The following SH3RF3 variants were observed in gnomAD, a reference collection of about 807,000 sequenced individuals.
The protein encoded by SH3RF3 is E3 ubiquitin-protein ligase SH3RF3.
SH3RF3 carries 29 observed loss-of-function variants against 66.3 expected under a neutral mutation model. The ratio of observed to expected loss-of-function variants is 0.44; its 90% CI spans 0.33 to 0.60. SH3RF3 has a LOEUF of 0.60. SH3RF3 is among the 20% of genes least tolerant of loss of function. SH3RF3 has a pLI of 0.04. For synonymous variants in SH3RF3, 583 were observed against 532.0 expected, an observed-to-expected ratio of 1.10 and a Z score of -1.32; for missense variants, 1,194 against 1,190.9, an observed-to-expected ratio of 1.00 and a Z score of -0.04.
intron 1 of SH3RF3, among the ~76,000 whole-genome samples, chr2:109,287,930 C>G (rs993644129): frequency 2.0e-5 from 3 of 152,242 alleles, no homozygotes; most frequent in Non-Finnish European, 4.4e-5. Flanking sequence ...ACATCCAGGA[C>G]CTGCCTGTTC....
chr2:109,349,668 G>C (rs959916897), intron 2 of SH3RF3, among the ~76,000 whole-genome samples: 4 of 152,212 alleles, frequency 2.6e-5, no homozygotes, highest in Non-Finnish European at 5.9e-5. Flanking sequence ...CTGCAGAGCC[G>C]AGGCCCTCCT....
At chr2:109,194,572 C>T (rs986315202) in intron 1 of SH3RF3, among the ~76,000 whole-genome samples, 7 of 152,208 alleles carry the variant, frequency 4.6e-5, no homozygotes, top group African/African-American at 1.4e-4. Flanking sequence ...TTTCAGGGCC[C>T]GGCGGGCGGG....
intron 1 of SH3RF3, among the ~76,000 whole-genome samples, chr2:109,219,855 G>A (rs1182403643): frequency 6.6e-6 from 1 of 152,174 alleles, no homozygotes; most frequent in Non-Finnish European, 1.5e-5. Context: ...ACTACTCAAA[G>A]TGATCTACAG....
chr2:109,205,295 A>T (rs903168434), intron 1 of SH3RF3, among the ~76,000 whole-genome samples: 1 of 148,656 alleles, frequency 6.7e-6, no homozygotes, highest in Non-Finnish European at 1.5e-5. Flanking sequence ...GAGTCTTGCC[A>T]TGTCGTCCAG....
At chr2:109,288,354 G>A (rs1574552119) in intron 1 of SH3RF3, among the ~76,000 whole-genome samples, 1 of 152,188 alleles carries the variant, frequency 6.6e-6, no homozygotes, top group East Asian at 1.9e-4. Context: ...ATGTATTAGG[G>A]AACAGGAACA....
chr2:109,472,894 C>G (rs776159956), intron 8 of SH3RF3, among the ~76,000 whole-genome samples: 1 of 152,186 alleles, frequency 6.6e-6, no homozygotes, highest in South Asian at 2.1e-4. Flanking sequence ...CCTGCTCCAG[C>G]CTCTTATTTC....
At chr2:109,430,271 G>C (rs1222915369) in intron 5 of SH3RF3, among the ~76,000 whole-genome samples, 1 of 152,266 alleles carries the variant, frequency 6.6e-6, no homozygotes, top group African/African-American at 2.4e-5. Flanking sequence ...TAAAGCAACA[G>C]ATGAGGCTAA....
intron 8 of SH3RF3, among the ~76,000 whole-genome samples, chr2:109,485,863 C>T (rs951834410): frequency 1.7e-4 from 26 of 152,244 alleles, no homozygotes; most frequent in African/African-American, 6.3e-4. Flanking sequence ...TGCAGCACAG[C>T]CTCATCGCAA....
intron 1 of SH3RF3, among the ~76,000 whole-genome samples, chr2:109,249,494 TTTCTTTCTTTCTTTCA>T (rs1486508287): frequency 1.3e-3 from 31 of 24,426 alleles, no homozygotes; most frequent in South Asian, 2.9e-3. Flanking sequence ...TCTTTCTTTC[TTTCTTTCTTTCTTTCA>T]TTCTTTCTTT....
intron 1 of SH3RF3, among the ~76,000 whole-genome samples, chr2:109,287,886 C>A (rs952022858): frequency 6.6e-6 from 1 of 152,200 alleles, no homozygotes; most frequent in African/African-American, 2.4e-5. Context: ...TTGCTAACTC[C>A]CCTTAGTGAC....
chr2:109,234,613 C>G (rs1233442452), intron 1 of SH3RF3, among the ~76,000 whole-genome samples: 2 of 152,224 alleles, frequency 1.3e-5, no homozygotes, highest in Non-Finnish European at 2.9e-5. Flanking sequence ...ATGTTTGTTT[C>G]TCATTCACGC....
chr2:109,458,601 A>AGAGAGAGAGAGAGAGAGAGAGAG (rs1553524376), intron 8 of SH3RF3, among the ~76,000 whole-genome samples: 165 of 148,892 alleles, frequency 1.1e-3, no homozygotes, highest in South Asian at 1.3e-3. Context: ...AGAGAGAGAG[A>AGAGAGAGAGAGAGAGAGAGAGAG]ATTTATTTAT....
intron 3 of SH3RF3, among the ~76,000 whole-genome samples, chr2:109,374,783 G>C (rs1051601940): frequency 6.6e-6 from 1 of 152,222 alleles, no homozygotes; most frequent in Non-Finnish European, 1.5e-5. Context: ...TCTACCCAGC[G>C]CACAGCTGCC....
At chr2:109,487,987 G>T (rs565382270) in intron 8 of SH3RF3, among the ~76,000 whole-genome samples, 3 of 152,328 alleles carry the variant, frequency 2.0e-5, no homozygotes, top group East Asian at 3.9e-4. Flanking sequence ...GCCCCTTCAT[G>T]GTGAAGAGGA....
At chr2:109,265,225 A>G (rs931556211) in intron 1 of SH3RF3, among the ~76,000 whole-genome samples, 4 of 152,176 alleles carry the variant, frequency 2.6e-5, no homozygotes, top group Admixed American at 6.5e-5. Context: ...ACAGCTGCAC[A>G]TTAGGATTAA....
intron 7 of SH3RF3, among the ~76,000 whole-genome samples, chr2:109,446,293 C>A (rs1055095876): frequency 6.6e-6 from 1 of 152,186 alleles, no homozygotes; most frequent in Non-Finnish European, 1.5e-5. Flanking sequence ...CAGAGACTCA[C>A]TCTTTTATTC....
chr2:109,274,656 C>A (rs756955676), intron 1 of SH3RF3, among the ~76,000 whole-genome samples: 7 of 152,186 alleles, frequency 4.6e-5, no homozygotes, highest in Non-Finnish European at 8.8e-5. Context: ...AGAATTACTT[C>A]ACGGGGGTAG....
intron 3 of SH3RF3, among the ~76,000 whole-genome samples, chr2:109,389,430 C>T (rs768911109): frequency 2.1e-4 from 32 of 152,186 alleles, no homozygotes; most frequent in Non-Finnish European, 3.5e-4. Flanking sequence ...GAGGGCATAC[C>T]GCATGAGTGT....
At chr2:109,266,419 C>G (rs1359204372) in intron 1 of SH3RF3, among the ~76,000 whole-genome samples, 1 of 152,042 alleles carries the variant, frequency 6.6e-6, no homozygotes, top group Non-Finnish European at 1.5e-5. Context: ...CAACAAGACT[C>G]GCAGGAACAA....
Sources: allele counts gnomAD v4.1 joint callset (sites outside exome capture counted in the v4.1 genomes callset), GRCh38; gene constraint gnomAD v4.1.1; transcripts MANE v1.5; gene names NCBI Gene and HGNC (gene_info 2026-07-23, HGNC 2026-07-21).